The following GLYATL1 variants were observed in gnomAD, a reference collection of about 807,000 sequenced individuals.
GLYATL1 encodes the protein glycine-N-acyltransferase like 1, also known as glycine N-acyltransferase-like protein 1.
Under a neutral mutation model 20.0 loss-of-function variants are expected in GLYATL1, and 15 were observed. The ratio of observed to expected loss-of-function variants is 0.75; its 90% CI spans 0.50 to 1.15. GLYATL1 has a LOEUF of 1.15. Among genes scored for constraint, GLYATL1 ranks in the 50% most tolerant of loss-of-function variants. The pLI is 0.00. For missense variants in GLYATL1, 380 were observed against 368.5 expected, an observed-to-expected ratio of 1.03 and a Z score of -0.26; for synonymous variants, 151 against 131.5, an observed-to-expected ratio of 1.15 and a Z score of -1.01.
At chr11:58,924,163 T>C (rs1474060672), upstream of GLYATL1, among the ~76,000 whole-genome samples, 2 of 152,362 alleles carry the variant, frequency 1.3e-5, no homozygotes, top group South Asian at 4.1e-4. Flanking sequence ...GCATTTATTT[T>C]GTATAGAATT....
chr11:58,921,896 G>A (rs572479748), intron 1 of GLYATL1, among the ~76,000 whole-genome samples: 142 of 152,258 alleles, frequency 9.3e-4, no homozygotes, highest in Middle Eastern at 3.4e-3. Context: ...TTCACCACGC[G>A]CTGATTTTCA....
chr11:58,948,052 T>C (rs557553495), intron 4 of GLYATL1, 87 bp downstream of exon 4: 991 of 848,632 alleles, frequency 1.2e-3, no homozygotes, highest in Non-Finnish European at 1.6e-3. Context: ...GCTGCTTTTA[T>C]AGGGTGAAAG....
At chr11:58,945,150 A>G (rs1590798282) in intron 2 of GLYATL1, among the ~76,000 whole-genome samples, 1 of 151,758 alleles carries the variant, frequency 6.6e-6, no homozygotes. Context: ...AGGCTCTGGA[A>G]ATGGATAAGC....
intron 2 of GLYATL1, among the ~76,000 whole-genome samples, chr11:58,946,161 T>C (rs1010538130): frequency 3.3e-5 from 5 of 152,226 alleles, no homozygotes; most frequent in Admixed American, 6.5e-5. Flanking sequence ...ATATGACATG[T>C]TGATTAATAT....
Position 58,953,860 on chromosome 11 carries a change from C to T in GLYATL1, c.187-910C>T, listed in dbSNP as rs184732771. Among the ~76,000 whole-genome samples the T allele has an allele frequency of 1.1e-3, 175 of 152,300 alleles. No homozygotes were observed. The Middle Eastern group carries it at 0.024, about 21-fold the overall frequency. On this transcript the variant is annotated intron_variant, in intron 4 of 6. Transcript: ENST00000532726. ...AATATTAATACATTCACTGCTAAAA[C>T]GCTCACACTTATTGTTTATATTTTC... is the stretch of plus-strand genomic sequence containing the variant.
rs1856614823 is a variant in GLYATL1, at chr11:58,947,027, T to A, written c.-42-19T>A. On this transcript the variant is annotated intron_variant, in intron 2 of 6. Transcript: ENST00000532726. ...CATTTGTTTCCTTAACATTTTCCCT[T>A]CATTTCTTATCTTTTCAGAGTTTCT... The A allele has an allele frequency of 1.3e-6, 2 of 1,586,084 alleles. No individual in the cohort carries two copies. Among genetic ancestry groups the A allele is most frequent in the Admixed American group, 1.7e-5 (1 of 59,970 alleles).
chr11:58,947,304 T>C (rs974917142), intron 3 of GLYATL1, 139 bp downstream of exon 3: 12 of 1,199,384 alleles, frequency 1.0e-5, no homozygotes, highest in Non-Finnish European at 1.4e-5. Context: ...GGGCACAGGC[T>C]GCATATCAAG....
chr11:58,937,787 C>T (rs538301788), upstream of GLYATL1, among the ~76,000 whole-genome samples: 30 of 152,314 alleles, frequency 2.0e-4, no homozygotes, highest in South Asian at 6.2e-4. Flanking sequence ...TGTCTTCCAA[C>T]GATGGCTGCT....
Position 58,954,851 on chromosome 11 carries a change from A to G in GLYATL1, c.268A>G (p.Lys90Glu), listed in dbSNP as rs772390206. The G allele has an allele frequency of 1.9e-6, 3 of 1,613,268 alleles. No individual in the cohort carries two copies. The African/African-American group carries it at 4.0e-5, about 22-fold the overall frequency. ...KEPQKSEEVL[K>E]NCEIVNWKQR... Reference sequence around the variant, plus strand: ...GCCTCAAAAATCAGAAGAAGTTTTGAAAAATTGTGAGATCGTAAACTGGAA... The same window carrying G: ...GCCTCAAAAATCAGAAGAAGTTTTGGAAAATTGTGAGATCGTAAACTGGAA... The change falls in exon 5 of 7, where the codon AAA becomes GAA. Residue 90 changes from lysine to glutamate, a missense_variant. Transcript: ENST00000532726.
downstream of GLYATL1, among the ~76,000 whole-genome samples, chr11:58,909,139 CT>C (rs1452900564): frequency 3.3e-5 from 5 of 152,060 alleles, no homozygotes; most frequent in African/African-American, 1.2e-4. Flanking sequence ...TTAATTCAGA[CT>C]TAAGAAATTA....
At chr11:58,909,424 A>C (rs1854986327), downstream of GLYATL1, among the ~76,000 whole-genome samples, 1 of 152,208 alleles carries the variant, frequency 6.6e-6, no homozygotes, top group Admixed American at 6.5e-5. Flanking sequence ...GGCAGAATGG[A>C]TGAGACTTTT....
At chr11:58,948,613 C>T (rs1375834992) in intron 4 of GLYATL1, among the ~76,000 whole-genome samples, 1 of 152,074 alleles carries the variant, frequency 6.6e-6, no homozygotes, top group Non-Finnish European at 1.5e-5. Flanking sequence ...TGTACTGAAG[C>T]CTGGGCAACA....
upstream of GLYATL1, chr11:58,934,568 AG>A (rs1469206703): frequency 1.3e-5 from 2 of 152,422 alleles, no homozygotes; most frequent in South Asian, 2.1e-4. Flanking sequence ...AGGGCCACAA[AG>A]GGTGGCTTGG....
intron 1 of GLYATL1, 144 bp from the exon 2 acceptor site, chr11:58,943,399 G>A (rs901434790): frequency 7.8e-6 from 12 of 1,530,706 alleles, no homozygotes; most frequent in South Asian, 2.5e-5. Context: ...TACCTTTTTT[G>A]TCTATAAATT....
rs564407517 is a variant in GLYATL1, at chr11:58,947,308, T to C, written c.78+143T>C. 7.7e-5 allele frequency: 88 copies of C among 1,142,534 alleles called. No individual in the cohort carries two copies. In the African/African-American group the frequency reaches 1.1e-3, roughly 14 times the overall value. The allele number at this position is 1,142,534 out of a possible 1,614,324, so 70.8% of individuals were successfully genotyped here. A position where few individuals can be genotyped will look rare whatever the true frequency, so the allele number is the denominator to read the frequency against. The stretch of plus-strand genomic sequence containing the variant: ...GATGGGACTGGGGGCACAGGCTGCA[T>C]ATCAAGAGCTGCTGCTTCTCTTTGG... On this transcript the variant is annotated intron_variant, in intron 3 of 6. Transcript: ENST00000532726.
chr11:58,915,441 C>T (rs1855148908), intron 1 of GLYATL1, among the ~76,000 whole-genome samples: 2 of 152,078 alleles, frequency 1.3e-5, no homozygotes, highest in South Asian at 4.1e-4. Context: ...TCTAGAATGA[C>T]TGAGGGGAAG....
chr11:58,935,298 AT>A (rs1380292336), upstream of GLYATL1: 1 of 152,156 alleles, frequency 6.6e-6, no homozygotes, highest in African/African-American at 2.4e-5. Context: ...CCATTACTGG[AT>A]TTTACTGAAG....
At position 58,954,915 on chromosome 11, in the gene GLYATL1, T is replaced by C. The variant is rs1335090717; in HGVS notation, c.313+19T>C. 7 of 1,603,224 alleles carry C rather than the reference T, an allele frequency of 4.4e-6. No homozygotes were observed. In the Admixed American group the frequency reaches 1.0e-4, roughly 24 times the overall value. Reference sequence around the variant, plus strand: ...ATCCAAGGTAACGAGTCTGAAGAAATGGGCAAGCAGCTGTGCTTCTCAAAT... The same window carrying C: ...ATCCAAGGTAACGAGTCTGAAGAAACGGGCAAGCAGCTGTGCTTCTCAAAT... On this transcript the variant is annotated intron_variant, in intron 5 of 6. Transcript: ENST00000532726.
chr11:58,930,193 C>A (rs1855549212), intron 1 of GLYATL1, among the ~76,000 whole-genome samples: 1 of 152,108 alleles, frequency 6.6e-6, no homozygotes, highest in South Asian at 2.1e-4. Context: ...CTATTACTAT[C>A]AAATATATAA....
Sources: gnomAD v4.1 joint callset for allele counts (sites outside exome capture counted in the v4.1 genomes callset) on GRCh38, gnomAD v4.1.1 for gene constraint, MANE v1.5 for transcripts, NCBI Gene and HGNC (gene_info 2026-07-23, HGNC 2026-07-21) for gene names.